The following ITPR3 variants were observed in gnomAD, a reference collection of about 807,000 sequenced individuals.
The protein encoded by ITPR3 is inositol 1,4,5-trisphosphate-gated calcium channel ITPR3.
ITPR3 carries 173 observed loss-of-function variants against 293.2 expected under a neutral mutation model. That is an observed-to-expected ratio of 0.59 (90% CI 0.52 to 0.67). The LOEUF (loss-of-function observed/expected upper bound fraction) is 0.67. Among genes scored for constraint, ITPR3 ranks in the 30% least tolerant of loss-of-function variants. ITPR3 has a pLI of 0.00. For missense variants in ITPR3, 2,796 were observed against 3,592.1 expected (o/e 0.78, Z 5.66); for synonymous variants, 1,295 against 1,444.4 (o/e 0.90, Z 2.35).
rs762069810 is a variant in ITPR3, at chr6:33,675,868, A to G, written c.3282+12A>G. 6.5e-7 allele frequency: 1 copy of G among 1,549,678 alleles called. No homozygotes were observed. The highest frequency in any genetic ancestry group is 1.4e-5 in the African/African-American group (1 of 73,290). On this transcript the variant is annotated intron_variant, in intron 25 of 57. Transcript: ENST00000605930. This position sits in a 1 kb window ranked among gnomAD's most constrained non-coding sequence, Gnocchi z 5.0. Reference sequence around the variant, plus strand: ...ACACCTTCAAGCAGGTGACGGGACTACCTGGCCCTGGCCCTGAGCATGAGG... The same window carrying G: ...ACACCTTCAAGCAGGTGACGGGACTGCCTGGCCCTGGCCCTGAGCATGAGG...
intron 3 of ITPR3, 89 bp from the exon 4 acceptor site, chr6:33,657,843 A>C (rs1015346235): frequency 2.1e-5 from 21 of 982,532 alleles, no homozygotes; most frequent in Non-Finnish European, 9.5e-6. Context: ...GTTTGTGTGC[A>C]TGTGTGCGTG....
intron 1 of ITPR3, among the ~76,000 whole-genome samples, chr6:33,623,321 G>GT (rs150420581): frequency 0.39 from 45,319 of 117,654 alleles, 9,948 homozygotes; most frequent in East Asian, 0.46. Context: ...GTGCCTGTGA[G>GT]TTTTGTTTTT....
intron 2 of ITPR3, among the ~76,000 whole-genome samples, chr6:33,648,361 C>T (rs867319638): frequency 7.9e-5 from 12 of 152,092 alleles, no homozygotes; most frequent in African/African-American, 2.4e-4. Flanking sequence ...CCACAGTGCC[C>T]GGCCACTACT....
rs548203585 is a variant in ITPR3 at position 33,688,774 on chromosome 6, G to A, written c.6687G>A (p.Ala2229=). 24 of 1,614,114 alleles carry A rather than the reference G, an allele frequency of 1.5e-5. No individual in the cohort carries two copies. The highest frequency in any genetic ancestry group is 1.1e-4 in the African/African-American group (8 of 75,042). The part of the protein sequence containing the change: ...IAFFYPYMEG[A]STGVLDSPLI... ...TCTTCTACCCTTACATGGAGGGCGC[G>A]TCCACAGGTGAGAACACAGGGCTGG... The change falls in exon 49 of 58, where the codon GCG becomes GCA. Residue 2229 remains alanine, a synonymous_variant. Coordinates refer to ENST00000605930, the MANE Select transcript of ITPR3 (RefSeq NM_002224.4).
Position 33,682,734 on chromosome 6 carries a change from C to T in ITPR3, c.4597+90C>T. ...TGCCCTCCTAATAAACACTTTATCC[C>T]TAAGCTCGCCCATCTCCTGCTCCCA... On this transcript the variant is annotated intron_variant, in intron 34 of 57. Transcript: ENST00000605930. The surrounding 1 kb of genome is among the most constrained non-coding windows in gnomAD (Gnocchi z 5.4). 1.4e-6 allele frequency: 2 copies of T among 1,460,598 alleles called. No homozygotes were observed. The highest frequency in any genetic ancestry group is 1.5e-5 in the African/African-American group (1 of 67,606). 90.5% of individuals were successfully genotyped at this position (1,460,598 alleles called of 1,614,324 possible).
At position 33,624,028 on chromosome 6, in the gene ITPR3, T is replaced by C. The variant is rs1355544881; in HGVS notation, c.89+2337T>C. Among the ~76,000 whole-genome samples, 1 of 152,232 alleles carries C rather than the reference T, an allele frequency of 6.6e-6. No homozygotes were observed. Among genetic ancestry groups the C allele is most frequent in the Non-Finnish European group, 1.5e-5 (1 of 68,042 alleles). ...CCCGCGCTCTCAGTCTCTTTACCTT[T>C]GCTCTTGGGTTGTTCCCGCCCTTTA... On this transcript the variant is annotated intron_variant, in intron 1 of 57. Transcript: ENST00000605930. This position sits in a 1 kb window ranked among gnomAD's most constrained non-coding sequence, Gnocchi z 4.7.
chr6:33,666,120 C>A lies in ITPR3; in HGVS notation c.1551+144C>A. ...GCCAGGGACTTCCCTAAGTACCCCA[C>A]ATGTGTTGACGAATTTGATCCTCAC... On this transcript the variant is annotated intron_variant, in intron 14 of 57. Coordinates refer to ENST00000605930, the MANE Select transcript of ITPR3 (RefSeq NM_002224.4). The surrounding 1 kb of genome is among the most constrained non-coding windows in gnomAD (Gnocchi z 5.1). 1.1e-6 allele frequency: 1 copy of A among 905,046 alleles called. No individual in the cohort carries two copies. The highest frequency in any genetic ancestry group is 1.6e-6 in the Non-Finnish European group (1 of 621,986). 56.1% of individuals were successfully genotyped at this position (905,046 alleles called of 1,614,324 possible). A position where few individuals can be genotyped will look rare whatever the true frequency, so the allele number is the denominator to read the frequency against.
chr6:33,683,548 G>A lies in ITPR3; in HGVS notation c.4788+151G>A. ...GCTGGTTGGCTTCTCTACACTCTGG[G>A]GCTGCTAAGGGCCGACCCAGCAGCA... On this transcript the variant is annotated intron_variant, in intron 35 of 57. Transcript: ENST00000605930. The surrounding 1 kb of genome is among the most constrained non-coding windows in gnomAD (Gnocchi z 4.5). 1 of 685,714 alleles carries A rather than the reference G, an allele frequency of 1.5e-6. No homozygotes were observed. Among genetic ancestry groups the A allele is most frequent in the Non-Finnish European group, 2.3e-6 (1 of 430,032 alleles). 42.5% of individuals were successfully genotyped at this position (685,714 alleles called of 1,614,324 possible).
rs199696299 is a variant in ITPR3, at chr6:33,687,128, C to A, written c.6075+24C>A. On this transcript the variant is annotated intron_variant, in intron 44 of 57. Transcript: ENST00000605930. The surrounding 1 kb of genome is among the most constrained non-coding windows in gnomAD (Gnocchi z 5.3). ...TGGTGAGGCTGGGCAGGTGGGCAGG[C>A]GGGCGGAACCAGGTGGAGTGTGTTG... The A allele has an allele frequency of 2.5e-6, 4 of 1,609,888 alleles. No individual in the cohort carries two copies. In the African/African-American group the frequency reaches 4.0e-5, roughly 16 times the overall value.
In ITPR3 at chr6:33,664,664, G is replaced by A. The variant is rs1764562278; in HGVS notation, c.1149-206G>A. 1.3e-5 allele frequency among the ~76,000 whole-genome samples: 2 copies of A among 152,120 alleles called. No individual in the cohort carries two copies. Among genetic ancestry groups the A allele is most frequent in the Non-Finnish European group, 1.5e-5 (1 of 68,026 alleles). On this transcript the variant is annotated intron_variant, in intron 11 of 57. Transcript: ENST00000605930. This position sits in a 1 kb window ranked among gnomAD's most constrained non-coding sequence, Gnocchi z 4.4. Reference sequence around the variant, plus strand: ...CCCGTGTCAGTGCAGTGGTCAGGACGGGGCCTGGGCGCAGGGCTAGCTCTG... The same window carrying A: ...CCCGTGTCAGTGCAGTGGTCAGGACAGGGCCTGGGCGCAGGGCTAGCTCTG...
chr6:33,643,354 GGGAA>G (rs1468805543), intron 2 of ITPR3, among the ~76,000 whole-genome samples: 1 of 152,072 alleles, frequency 6.6e-6, no homozygotes, highest in Non-Finnish European at 1.5e-5. Flanking sequence ...CCCCCACCTC[GGGAA>G]GGAATCCCTG....
Position 33,668,639 on chromosome 6 carries a change from G to A in ITPR3, c.2006+5G>A. ...TGACATTCTCATCCGGACCGAGTGA[G>A]CCCTGTGCCCCCTGCCCGCACTTGG... On this transcript the variant is annotated splice_donor_5th_base_variant and intron_variant, in intron 17 of 57. Transcript: ENST00000605930. 6.2e-7 allele frequency: 1 copy of A among 1,614,188 alleles called. No homozygotes were observed. Among genetic ancestry groups the A allele is most frequent in the Non-Finnish European group, 8.5e-7 (1 of 1,180,008 alleles).
In ITPR3 at chr6:33,672,207, G is replaced by A; in HGVS notation, c.2907G>A (p.Leu969=). 1 of 1,593,304 alleles carries A rather than the reference G, an allele frequency of 6.3e-7. No homozygotes were observed. ...NEDIVVMETK[L]KILEILQFIL... is the part of the protein sequence containing the mutation. ...ACATTGTGGTGATGGAGACCAAGCTGAAGATCCTGGAAATCCTTCAGGTGC... is the reference window on the plus strand; with the variant it reads ...ACATTGTGGTGATGGAGACCAAGCTAAAGATCCTGGAAATCCTTCAGGTGC... Residue 969 remains leucine, a synonymous_variant, in exon 22 of 58, where the codon CTG becomes CTA. Transcript: ENST00000605930. This position sits in a 1 kb window ranked among gnomAD's most constrained non-coding sequence, Gnocchi z 5.0.
intron 7 of ITPR3, 39 bp from the exon 8 acceptor site, chr6:33,662,489 G>A: frequency 6.5e-7 from 1 of 1,542,990 alleles, no homozygotes; most frequent in South Asian, 1.2e-5. Context: ...GAGCCTGGAG[G>A]GGCCGCAGCC....
In ITPR3 at chr6:33,682,616, G is replaced by C; in HGVS notation, c.4569G>C (p.Glu1523Asp). ...AGCAGCAGCACAAGGGCTCCGTGGA[G>C]GCCTGCATCCGGACCCTCGCCATGG... ...WLQQQHKGSV[E>D]ACIRTLAMVA... Residue 1523 changes from glutamate (E) to aspartate (D), a missense_variant, in exon 34 of 58, where the codon GAG (glutamate) becomes GAC (aspartate). Transcript: ENST00000605930. This position sits in a 1 kb window ranked among gnomAD's most constrained non-coding sequence, Gnocchi z 5.4. 6.3e-7 allele frequency: 1 copy of C among 1,598,832 alleles called. No homozygotes were observed. The highest frequency in any genetic ancestry group is 8.5e-7 in the Non-Finnish European group (1 of 1,173,808).
At position 33,688,137 on chromosome 6, in the gene ITPR3, C is replaced by T; in HGVS notation, c.6345C>T (p.Ala2115=). 1 of 1,614,166 alleles carries T rather than the reference C, an allele frequency of 6.2e-7. No individual in the cohort carries two copies. Among genetic ancestry groups the T allele is most frequent in the Non-Finnish European group, 8.5e-7 (1 of 1,180,026 alleles). ...AGGAGGAGGAGGAAGACCCCCTGGC[C>T]TACTATGAGAACCACACGTCCCAGA... The part of the protein sequence containing the change: ...PAQEEEEDPL[A]YYENHTSQIE... Residue 2115 remains alanine, a synonymous_variant, in exon 47 of 58, where the codon GCC becomes GCT. Transcript: ENST00000605930.
At chr6:33,659,713 C>T (rs1001193225) in intron 7 of ITPR3, among the ~76,000 whole-genome samples, 164 bp downstream of exon 7, 3 of 152,184 alleles carry the variant, frequency 2.0e-5, no homozygotes, top group Admixed American at 6.5e-5. Flanking sequence ...CCACATGGCC[C>T]TACCAGGGCT....
At position 33,670,263 on chromosome 6, in the gene ITPR3, C is replaced by G; in HGVS notation, c.2190-62C>G. 6.3e-7 allele frequency: 1 copy of G among 1,589,772 alleles called. No homozygotes were observed. The highest frequency in any genetic ancestry group is 1.1e-5 in the South Asian group (1 of 89,586). On this transcript the variant is annotated intron_variant, in intron 18 of 57. Coordinates refer to ENST00000605930, the MANE Select transcript of ITPR3 (RefSeq NM_002224.4). The surrounding 1 kb of genome is among the most constrained non-coding windows in gnomAD (Gnocchi z 6.7). ...ACTGAGTCCTCACCAAGTCTAGTGC[C>G]CAGTGCCAGCAGCCTCCCGGCTGCC...
chr6:33,692,046 C>T lies in ITPR3; in HGVS notation c.7458+118C>T, dbSNP rs1024786801. The T allele has an allele frequency of 1.2e-5, 17 of 1,361,056 alleles. No individual in the cohort carries two copies. The highest frequency in any genetic ancestry group is 1.1e-4 in the South Asian group (9 of 80,946). The allele number at this position is 1,361,056 out of a possible 1,614,324, so 84.3% of individuals were successfully genotyped here. ...ATATTCAGGGTTGAACCCCCTCCCC[C>T]GAACTTGTATCCACTTTTCCCTGCT... is the stretch of plus-strand genomic sequence containing the variant. On this transcript the variant is annotated intron_variant, in intron 54 of 57. Transcript: ENST00000605930. This position sits in a 1 kb window ranked among gnomAD's most constrained non-coding sequence, Gnocchi z 4.2.
Sources: gnomAD v4.1 joint callset for allele counts (sites outside exome capture counted in the v4.1 genomes callset) on GRCh38, gnomAD v4.1.1 for gene constraint, Gnocchi (gnomAD v3.1) non-coding constraint, MANE v1.5 for transcripts, NCBI Gene and HGNC (gene_info 2026-07-23, HGNC 2026-07-21) for gene names.